The following NTAN1 variants were observed in gnomAD, a reference collection of about 807,000 sequenced individuals.
NTAN1 encodes N-terminal asparagine amidase, also known as protein N-terminal asparagine amidohydrolase.
Under a neutral mutation model 41.9 loss-of-function variants are expected in NTAN1, and 32 were observed. The observed-to-expected ratio is 0.76, with a 90% confidence interval of 0.58 to 1.03. The LOEUF (loss-of-function observed/expected upper bound fraction) is 1.03, where lower values mean the gene tolerates loss of function less well. Ranked by LOEUF, NTAN1 falls within the 50% of genes least tolerant of loss-of-function variation. NTAN1 has a pLI of 0.00. For synonymous variants in NTAN1, 140 were observed against 139.5 expected, an observed-to-expected ratio of 1.00 and a Z score of -0.03; for missense variants, 377 against 377.5, an observed-to-expected ratio of 1.00 and a Z score of 0.01.
rs180743077 is a variant in NTAN1, at chr16:15,051,338, T to G, written c.82-3239A>C. Among the ~76,000 whole-genome samples the G allele has an allele frequency of 4.6e-5, 7 of 152,300 alleles. No individual in the cohort carries two copies. The East Asian group carries it at 1.2e-3, about 25-fold the overall frequency. Reference sequence around the variant, plus strand: ...AGAGAATGCCAGAAAACTAAAACAGTAGACTGCTTTGCTCTATTTTTTAAT... The same window carrying G: ...AGAGAATGCCAGAAAACTAAAACAGGAGACTGCTTTGCTCTATTTTTTAAT... On this transcript the variant is annotated intron_variant, in intron 1 of 9. Transcript: ENST00000287706.
chr16:15,043,713 G>A (rs1270021891), intron 5 of NTAN1, among the ~76,000 whole-genome samples: 1 of 152,114 alleles, frequency 6.6e-6, no homozygotes, highest in African/African-American at 2.4e-5. Flanking sequence ...ACTTTAAGAG[G>A]CCGAGGCAGG....
Position 15,038,208 on chromosome 16 carries a change from A to G in NTAN1, c.756T>C (p.Asn252=). ...LHQDDKQILE[N]LSTSPLAEPP... ...GCTCAGCCAGAGGCGAAGTGGAAAG[A>G]TTCTGAAAACACAAGATGGTGGGCA... The change falls in exon 10 of 10, where the codon AAT becomes AAC. Residue 252 remains asparagine, a splice_region_variant and synonymous_variant. Coordinates refer to ENST00000287706, the MANE Select transcript of NTAN1 (RefSeq NM_173474.4). 6.2e-7 allele frequency: 1 copy of G among 1,612,010 alleles called. No homozygotes were observed. The highest frequency in any genetic ancestry group is 8.5e-7 in the Non-Finnish European group (1 of 1,178,962).
intron 4 of NTAN1, among the ~76,000 whole-genome samples, chr16:15,046,467 C>T (rs2044068041): frequency 6.6e-6 from 1 of 152,082 alleles, no homozygotes; most frequent in African/African-American, 2.4e-5. Flanking sequence ...TCCAGCACAT[C>T]GAGCCTCAGT....
intron 1 of NTAN1, among the ~76,000 whole-genome samples, chr16:15,049,655 G>A (rs1040809597): frequency 2.0e-5 from 3 of 152,028 alleles, no homozygotes; most frequent in Non-Finnish European, 4.4e-5. Context: ...CAAACTCCTG[G>A]CCTCAAGTGA....
chr16:15,043,290 C>T (rs536179463), intron 5 of NTAN1, among the ~76,000 whole-genome samples: 83 of 151,978 alleles, frequency 5.5e-4, no homozygotes, highest in African/African-American at 1.9e-3. Flanking sequence ...CCTGCCTTGG[C>T]CTCCCAAAGT....
chr16:15,055,999 A>C lies in NTAN1; in HGVS notation c.-28T>G. 8.5e-7 allele frequency: 1 copy of C among 1,181,210 alleles called. No individual in the cohort carries two copies. Among genetic ancestry groups the C allele is most frequent in the African/African-American group, 1.6e-5 (1 of 62,722 alleles). The allele number at this position is 1,181,210 out of a possible 1,614,324, so 73.2% of individuals were successfully genotyped here. ...CGGAGGCGGCCGCCCAGGCAGGCCCAGGGAGGCGGCGGCCCCCCGCTTTGC... is the reference window on the plus strand; with the variant it reads ...CGGAGGCGGCCGCCCAGGCAGGCCCCGGGAGGCGGCGGCCCCCCGCTTTGC... On this transcript the variant is annotated 5_prime_UTR_variant, in exon 1 of 10. Transcript: ENST00000287706.
In NTAN1 at chr16:15,047,940, A is replaced by G. The variant is rs754491894; in HGVS notation, c.185-20T>C. On this transcript the variant is annotated intron_variant, in intron 2 of 9. Transcript: ENST00000287706. ...TGGAGCCTGTTTAAAAAAGAAATAA[A>G]ATAAAATATCCAATAGCCTTTTGGG... is the stretch of plus-strand genomic sequence containing the variant. 1.2e-6 allele frequency: 2 copies of G among 1,610,492 alleles called. No homozygotes were observed. Among genetic ancestry groups the G allele is most frequent in the South Asian group, 2.2e-5 (2 of 91,008 alleles).
intron 4 of NTAN1, among the ~76,000 whole-genome samples, chr16:15,046,836 CTG>C (rs1454190563): frequency 2.0e-5 from 3 of 151,564 alleles, no homozygotes; most frequent in Non-Finnish European, 2.9e-5. Context: ...GATCACACAA[CTG>C]TGCTCCAGAC....
intron 1 of NTAN1, among the ~76,000 whole-genome samples, chr16:15,049,489 C>T (rs994050302): frequency 6.6e-6 from 1 of 151,398 alleles, no homozygotes; most frequent in Non-Finnish European, 1.5e-5. Flanking sequence ...AGTGCAGTGG[C>T]GTGATCTCAG....
intron 5 of NTAN1, among the ~76,000 whole-genome samples, chr16:15,043,048 G>C (rs995514686): frequency 6.6e-6 from 1 of 152,226 alleles, no homozygotes; most frequent in African/African-American, 2.4e-5. Context: ...TTACAGGCAT[G>C]CACCACCATG....
At chr16:15,044,752 G>A (rs1022181717) in intron 4 of NTAN1, 31 of 260,510 alleles carry the variant, frequency 1.2e-4, no homozygotes, top group Non-Finnish European at 1.7e-4. Context: ...GGGAGGCTGA[G>A]GTGGGCGGAT....
intron 8 of NTAN1, among the ~76,000 whole-genome samples, chr16:15,039,719 C>T (rs929421746): frequency 6.6e-6 from 1 of 152,098 alleles, no homozygotes; most frequent in Non-Finnish European, 1.5e-5. Flanking sequence ...TCTTTGAATT[C>T]GGATGCTGGG....
Position 15,038,018 on chromosome 16 carries a change from T to TAATTCATGTTTTTTA in NTAN1, c.931_*12dup. 1 of 1,603,800 alleles carries TAATTCATGTTTTTTA rather than the reference T, an allele frequency of 6.2e-7. No homozygotes were observed. Among genetic ancestry groups the TAATTCATGTTTTTTA allele is most frequent in the South Asian group, 1.1e-5 (1 of 90,030 alleles). On this transcript the variant is annotated 3_prime_UTR_variant, in exon 10 of 10. Transcript: ENST00000287706. The stretch of plus-strand genomic sequence containing the variant: ...CAGGCCAAGAAGGTGCTTTCTTTGG[T>TAATTCATGTTTTTTA]AATTCATGTTTTTTAACTTCCTGGA...
At chr16:15,042,058 A>C (rs549787403) in intron 5 of NTAN1, among the ~76,000 whole-genome samples, 32 of 152,240 alleles carry the variant, frequency 2.1e-4, no homozygotes, top group Non-Finnish European at 2.6e-4. Flanking sequence ...AACAGATCTG[A>C]AAAATACAAG....
At chr16:15,049,750 A>C (rs1165258403) in intron 1 of NTAN1, among the ~76,000 whole-genome samples, 2 of 152,198 alleles carry the variant, frequency 1.3e-5, no homozygotes, top group Non-Finnish European at 2.9e-5. Context: ...AATGGCAAAA[A>C]GCTGGGAGCA....
intron 6 of NTAN1, among the ~76,000 whole-genome samples, 187 bp from the exon 7 acceptor site, chr16:15,041,308 C>G (rs572524858): frequency 6.6e-6 from 1 of 152,258 alleles, no homozygotes; most frequent in East Asian, 1.9e-4. Context: ...ACTGAACAAA[C>G]TGGCAGCTGC....
At chr16:15,040,152 AAGAG>A (rs2043746636) in intron 7 of NTAN1, 86 bp from the exon 8 acceptor site, 4 of 719,098 alleles carry the variant, frequency 5.6e-6, no homozygotes, top group Non-Finnish European at 2.4e-6. Flanking sequence ...CACCACTCCT[AAGAG>A]AAAGATAGGA....
At chr16:15,054,513 A>G (rs2044423050) in intron 1 of NTAN1, among the ~76,000 whole-genome samples, 1 of 152,178 alleles carries the variant, frequency 6.6e-6, no homozygotes, top group Admixed American at 6.5e-5. Context: ...TGACTTCGCT[A>G]GCTAACAGGA....
Position 15,039,974 on chromosome 16 carries a change from C to G in NTAN1, c.634G>C (p.Gly212Arg). Residue 212 changes from glycine to arginine, a missense_variant, in exon 8 of 10, where the codon GGA (glycine) becomes CGA (arginine). Physicochemically the swap from Gly to Arg is moderately radical, Grantham distance 125. Coordinates refer to ENST00000287706, the MANE Select transcript of NTAN1 (RefSeq NM_173474.4). ...AAAGATGATTTGAAACTCACTGGTC[C>G]TCCTGCTAAAGTTCGCGCAGCACGA... Reference protein sequence around the residue: ...QLRAARTLAGGPMISIYDAET... With the variant: ...QLRAARTLAGRPMISIYDAET... The G allele has an allele frequency of 6.3e-7, 1 of 1,579,382 alleles. No individual in the cohort carries two copies. The highest frequency in any genetic ancestry group is 8.7e-7 in the Non-Finnish European group (1 of 1,151,946).
Sources: gnomAD v4.1 joint callset for allele counts (sites outside exome capture counted in the v4.1 genomes callset) on GRCh38, gnomAD v4.1.1 for gene constraint, MANE v1.5 for transcripts, NCBI Gene and HGNC (gene_info 2026-07-23, HGNC 2026-07-21) for gene names.